Variants in DCDC1 observed in about 807,000 individuals in gnomAD.
The protein encoded by DCDC1 is doublecortin domain containing 1.
Under a neutral mutation model 178.3 loss-of-function variants are expected in DCDC1, and 200 were observed. That is an observed-to-expected ratio of 1.12 (90% CI 1.00 to 1.26). DCDC1 has a LOEUF of 1.26. Ranked by LOEUF, DCDC1 falls within the 50% of genes most tolerant of loss-of-function variation. The pLI, the probability that DCDC1 is intolerant of heterozygous loss-of-function variation, is 0.00. For missense variants in DCDC1, 1,983 were observed against 1,749.2 expected, an observed-to-expected ratio of 1.13 and a Z score of -2.38; for synonymous variants, 690 against 604.8, an observed-to-expected ratio of 1.14 and a Z score of -2.07.
intron 21 of DCDC1, chr11:30,943,858 C>T (rs1947828443): frequency 3.4e-6 from 1 of 293,746 alleles, no homozygotes; most frequent in Non-Finnish European, 6.7e-6. Context: ...GTTCTCAAAG[C>T]AGCTGTCACC....
chr11:30,980,821 A>G (rs1950356773), intron 20 of DCDC1, among the ~76,000 whole-genome samples: 1 of 152,216 alleles, frequency 6.6e-6, no homozygotes, highest in Admixed American at 6.5e-5. Context: ...AACTAAAAAT[A>G]GAACTACCAT....
chr11:31,004,937 A>G (rs1343756605), intron 20 of DCDC1, among the ~76,000 whole-genome samples: 1 of 152,204 alleles, frequency 6.6e-6, no homozygotes, highest in Non-Finnish European at 1.5e-5. Context: ...CTACTTTTCT[A>G]GAAACTATTA....
At chr11:31,290,277 A>G (rs1466146287) in intron 7 of DCDC1, among the ~76,000 whole-genome samples, 1 of 152,030 alleles carries the variant, frequency 6.6e-6, no homozygotes, top group Non-Finnish European at 1.5e-5. Context: ...TTCTAAATGA[A>G]AAGAGGCAGA....
At chr11:31,114,556 G>T in intron 11 of DCDC1, among the ~76,000 whole-genome samples, 1 of 152,152 alleles carries the variant, frequency 6.6e-6, no homozygotes, top group Non-Finnish European at 1.5e-5. Context: ...AGATTTAGAG[G>T]TAAAAGAGTT....
intron 17 of DCDC1, among the ~76,000 whole-genome samples, chr11:31,090,311 T>C (rs148029940): frequency 6.6e-6 from 1 of 152,324 alleles, no homozygotes; most frequent in East Asian, 1.9e-4. Context: ...GACTGGACTT[T>C]AACTGACTGA....
At chr11:31,324,287 G>A (rs1949530923) in intron 3 of DCDC1, among the ~76,000 whole-genome samples, 1 of 151,662 alleles carries the variant, frequency 6.6e-6, no homozygotes, top group South Asian at 2.1e-4. Context: ...ATAGCATCGG[G>A]GGCATAAATC....
At chr11:31,331,567 G>C (rs897471688) in intron 2 of DCDC1, among the ~76,000 whole-genome samples, 2 of 152,064 alleles carry the variant, frequency 1.3e-5, no homozygotes, top group Non-Finnish European at 2.9e-5. Flanking sequence ...TCAATACCTA[G>C]TTTATTGAGT....
intron 20 of DCDC1, among the ~76,000 whole-genome samples, chr11:30,980,674 G>A (rs562000044): frequency 6.6e-6 from 1 of 152,012 alleles, no homozygotes; most frequent in Non-Finnish European, 1.5e-5. Flanking sequence ...ATAAATAGGT[G>A]GATCAATAAA....
chr11:31,272,030 C>T (rs1352646420), intron 7 of DCDC1, among the ~76,000 whole-genome samples: 9 of 151,864 alleles, frequency 5.9e-5, no homozygotes, highest in South Asian at 2.1e-4. Flanking sequence ...GGTGTGGTGG[C>T]GGGCACCTGT....
At chr11:31,120,471 T>C (rs1201808008) in intron 11 of DCDC1, among the ~76,000 whole-genome samples, 1 of 152,144 alleles carries the variant, frequency 6.6e-6, no homozygotes, top group East Asian at 1.9e-4. Flanking sequence ...AGAGCCTGAA[T>C]TGCCAACACT....
At chr11:31,079,077 A>G (rs2135567182) in intron 17 of DCDC1, among the ~76,000 whole-genome samples, 1 of 152,262 alleles carries the variant, frequency 6.6e-6, no homozygotes. Context: ...TGTCCTAATG[A>G]GGGGATTCTT....
At chr11:31,185,761 G>A (rs1347822367) in intron 9 of DCDC1, among the ~76,000 whole-genome samples, 1 of 152,166 alleles carries the variant, frequency 6.6e-6, no homozygotes, top group Non-Finnish European at 1.5e-5. Flanking sequence ...CAGACTGAAG[G>A]CTAGAGTTGC....
At position 30,878,585 on chromosome 11, in the gene DCDC1, T is replaced by TA; in HGVS notation, c.5359dup (p.Ter1787LeufsTer29). On this transcript the variant is annotated frameshift_variant and stop_lost, in exon 38 of 39. Coordinates refer to ENST00000684477, the MANE Select transcript of DCDC1 (RefSeq NM_001387274.1). LOFTEE classifies it high-confidence loss of function. ...AAAATCCGATGGTTCTGATAGGAGT[T>TA]AATTGTGGAGATGTGCCAGAGACAG... The TA allele has an allele frequency of 1.9e-6, 3 of 1,597,376 alleles. No individual in the cohort carries two copies. Among genetic ancestry groups the TA allele is most frequent in the Non-Finnish European group, 2.6e-6 (3 of 1,174,748 alleles).
intron 8 of DCDC1, among the ~76,000 whole-genome samples, chr11:31,247,159 C>A (rs1308777173): frequency 1.3e-5 from 2 of 151,918 alleles, no homozygotes; most frequent in Non-Finnish European, 2.9e-5. Flanking sequence ...ACATTATGAC[C>A]TTTATAGGAC....
intron 20 of DCDC1, among the ~76,000 whole-genome samples, chr11:30,997,807 GTGTA>G (rs939336957): frequency 1.4e-5 from 2 of 144,212 alleles, no homozygotes; most frequent in African/African-American, 5.9e-5. Flanking sequence ...ATACCATAGT[GTGTA>G]TGTGTGTGTG....
intron 20 of DCDC1, among the ~76,000 whole-genome samples, chr11:30,967,568 G>A (rs185706953): frequency 5.4e-4 from 82 of 152,276 alleles, no homozygotes; most frequent in African/African-American, 1.9e-3. Flanking sequence ...TCAAGGTAAA[G>A]GCTCCTGGGG....
At chr11:31,348,488 T>C (rs1950918403) in intron 1 of DCDC1, among the ~76,000 whole-genome samples, 1 of 152,190 alleles carries the variant, frequency 6.6e-6, no homozygotes, top group Admixed American at 6.6e-5. Flanking sequence ...CAAGAGGTTG[T>C]ATCTGTCCCT....
intron 37 of DCDC1, among the ~76,000 whole-genome samples, 159 bp from the exon 38 acceptor site, chr11:30,878,870 T>C (rs1034566696): frequency 6.6e-6 from 1 of 152,140 alleles, no homozygotes; most frequent in South Asian, 2.1e-4. Context: ...ACATGAGATA[T>C]ATTGTTAATA....
chr11:31,299,257 G>T (rs1162183618), intron 6 of DCDC1, among the ~76,000 whole-genome samples: 1 of 152,120 alleles, frequency 6.6e-6, no homozygotes, highest in Non-Finnish European at 1.5e-5. Flanking sequence ...GACAGTGGTT[G>T]TCATTAGATT....
Sources: allele counts gnomAD v4.1 joint callset (sites outside exome capture counted in the v4.1 genomes callset), GRCh38; gene constraint gnomAD v4.1.1; transcripts MANE v1.5; gene names NCBI Gene and HGNC (gene_info 2026-07-23, HGNC 2026-07-21).